Variants in KRT8 observed in about 807,000 individuals in gnomAD.
The protein encoded by KRT8 is keratin, type II cytoskeletal 8.
A neutral mutation model predicts 43.0 loss-of-function variants in KRT8; 24 were observed. The observed-to-expected ratio is 0.56, with a 90% CI of 0.40 to 0.78. KRT8 has a LOEUF of 0.78. Among genes scored for constraint, KRT8 ranks in the 30% least tolerant of loss-of-function variants. The pLI is 0.00. For synonymous variants in KRT8, 214 were observed against 261.2 expected, an observed-to-expected ratio of 0.82 and a Z score of 1.74; for missense variants, 492 against 638.4, an observed-to-expected ratio of 0.77 and a Z score of 2.47.
chr12:52,900,742 G>T (rs1941348204), intron 3 of KRT8, 59 bp from the exon 4 acceptor site: 4 of 1,190,846 alleles, frequency 3.4e-6, no homozygotes, highest in Non-Finnish European at 5.0e-6. Flanking sequence ...CCAACCAAGG[G>T]GCTCCCAAGG....
chr12:52,935,739 C>A (rs955134641), intron 2 of KRT8, among the ~76,000 whole-genome samples: 5 of 151,546 alleles, frequency 3.3e-5, no homozygotes, highest in Non-Finnish European at 5.9e-5. Flanking sequence ...CAACTCCTGG[C>A]CTCAAGCAAT....
chr12:52,943,898 C>G (rs1942304427), intron 2 of KRT8, among the ~76,000 whole-genome samples: 1 of 152,192 alleles, frequency 6.6e-6, no homozygotes, highest in Non-Finnish European at 1.5e-5. Context: ...AGGTTCTTGG[C>G]CACTCTGTTC....
chr12:52,900,552 T>G (rs1291237401), intron 4 of KRT8, 36 bp downstream of exon 4: 1 of 1,390,708 alleles, frequency 7.2e-7, no homozygotes, highest in East Asian at 2.3e-5. Context: ...CTGACAAGGC[T>G]GGGGGACCCT....
At chr12:52,916,494 G>A (rs746845595) in intron 2 of KRT8, among the ~76,000 whole-genome samples, 15 of 152,140 alleles carry the variant, frequency 9.9e-5, no homozygotes, top group African/African-American at 1.7e-4. Flanking sequence ...GCTTACCATC[G>A]TGTCATCCAA....
chr12:52,898,847 G>C (rs941654453), exon 6 of KRT8: 18 of 1,613,370 alleles, frequency 1.1e-5, no homozygotes, highest in Non-Finnish European at 1.4e-5. Flanking sequence ...ATCCTTAATG[G>C]CCAGCTCTCC....
chr12:52,904,702 G>C, exon 1 of KRT8: 1 of 1,612,966 alleles, frequency 6.2e-7, no homozygotes. Flanking sequence ...GTCTTGATCT[G>C]CTCCTTCTCC....
At chr12:52,931,160 C>T (rs1441369054) in intron 2 of KRT8, among the ~76,000 whole-genome samples, 3 of 151,828 alleles carry the variant, frequency 2.0e-5, no homozygotes, top group Non-Finnish European at 2.9e-5. Flanking sequence ...CTCCGCCTCC[C>T]GGGTTCATGC....
At chr12:52,902,307 G>A (rs1941392333) in intron 1 of KRT8, 1 of 559,530 alleles carries the variant, frequency 1.8e-6, no homozygotes. Context: ...AGACAGGTAA[G>A]GTAATTATGT....
intron 2 of KRT8, among the ~76,000 whole-genome samples, chr12:52,938,153 TATATATATATATATATA>T (rs1470983927): frequency 0.19 from 8,840 of 46,422 alleles, 883 homozygotes; most frequent in East Asian, 0.35. Context: ...TATATATATA[TATATATATATATATATA>T]TTTTTTTTTT....
upstream of KRT8, among the ~76,000 whole-genome samples, chr12:52,907,332 G>A (rs369113758): frequency 7.2e-5 from 11 of 152,270 alleles, no homozygotes; most frequent in South Asian, 4.1e-4. Context: ...CAGGGAAGGC[G>A]GAAGGAGGGA....
At chr12:52,898,333 G>T (rs1941267279) in intron 7 of KRT8, 128 bp downstream of exon 7, 1 of 771,076 alleles carries the variant, frequency 1.3e-6, no homozygotes, top group Non-Finnish European at 2.2e-6. Flanking sequence ...CCCACCCTAG[G>T]ATTCTCCCAA....
intron 2 of KRT8, among the ~76,000 whole-genome samples, chr12:52,938,819 G>A (rs975005791): frequency 6.6e-6 from 1 of 152,024 alleles, no homozygotes; most frequent in African/African-American, 2.4e-5. Context: ...GGGTTTCACC[G>A]TGTTAACCAG....
chr12:52,927,085 C>T (rs139159941), intron 2 of KRT8, among the ~76,000 whole-genome samples: 38 of 152,266 alleles, frequency 2.5e-4, no homozygotes, highest in African/African-American at 8.9e-4. Context: ...GGATTCCCCC[C>T]AAGGGAGGAA....
intron 2 of KRT8, among the ~76,000 whole-genome samples, chr12:52,914,458 A>G (rs1187177875): frequency 6.6e-6 from 1 of 152,134 alleles, no homozygotes; most frequent in Non-Finnish European, 1.5e-5. Flanking sequence ...AATTGCTCGA[A>G]GCCAGGAGGT....
intron 2 of KRT8, among the ~76,000 whole-genome samples, chr12:52,922,780 A>G (rs1228298927): frequency 6.6e-6 from 1 of 152,216 alleles, no homozygotes; most frequent in Non-Finnish European, 1.5e-5. Context: ...GTCATGTAGC[A>G]TCTAAGTGCT....
intron 2 of KRT8, among the ~76,000 whole-genome samples, chr12:52,933,285 G>T (rs1410465501): frequency 6.6e-6 from 1 of 152,096 alleles, no homozygotes; most frequent in African/African-American, 2.4e-5. Flanking sequence ...TGAGAAATTG[G>T]AAATTCAAAC....
chr12:52,922,959 C>G (rs962592315), intron 2 of KRT8, among the ~76,000 whole-genome samples: 1 of 152,172 alleles, frequency 6.6e-6, no homozygotes, highest in Non-Finnish European at 1.5e-5. Flanking sequence ...AAGGAAGGTG[C>G]CTTCCAGAAG....
chr12:52,935,467 T>A (rs1045930349), intron 2 of KRT8, among the ~76,000 whole-genome samples: 2 of 113,414 alleles, frequency 1.8e-5, no homozygotes, highest in African/African-American at 3.5e-5. Flanking sequence ...CCGAGGCGGG[T>A]GTATCACGAG....
At chr12:52,903,796 G>A (rs1276040151) in intron 1 of KRT8, 1 of 152,212 alleles carries the variant, frequency 6.6e-6, no homozygotes, top group Non-Finnish European at 1.5e-5. Flanking sequence ...CACGCCCGCA[G>A]ACTTTGAATC....
Sources: allele counts gnomAD v4.1 joint callset (sites outside exome capture counted in the v4.1 genomes callset), GRCh38; gene constraint gnomAD v4.1.1; transcripts MANE v1.5; gene names NCBI Gene and HGNC (gene_info 2026-07-23, HGNC 2026-07-21).